SHROOM3: variants seen among roughly 807,000 people sequenced by gnomAD.
SHROOM3 encodes the protein protein Shroom3.
SHROOM3 carries 47 observed loss-of-function variants against 138.6 expected under a neutral mutation model. That is an observed-to-expected ratio of 0.34 (90% CI 0.27 to 0.43). The LOEUF (loss-of-function observed/expected upper bound fraction) is 0.43. Among genes scored for constraint, SHROOM3 ranks in the 20% least tolerant of loss-of-function variants. The pLI is 1.00. For synonymous variants in SHROOM3, 1,062 were observed against 1,063.3 expected (o/e 1.00, Z 0.02); for missense variants, 2,491 against 2,596.5 (o/e 0.96, Z 0.88).
In SHROOM3 at chr4:76,658,934, A is replaced by T. The variant is rs200516564; in HGVS notation, c.324-51222A>T. Among the ~76,000 whole-genome samples, 16 of 152,106 alleles carry T rather than the reference A, an allele frequency of 1.1e-4. No homozygotes were observed. In the East Asian group the frequency reaches 2.7e-3, roughly 26 times the overall value. ...TCATAGTAAATCTTTTTTTGGAAAC[A>T]ATTAGGGAATGTGTAACTAATTTGT... is the stretch of plus-strand genomic sequence containing the variant. On this transcript the variant is annotated intron_variant, in intron 2 of 10. Transcript: ENST00000296043.
chr4:76,756,672 G>T lies in SHROOM3; in HGVS notation c.4933G>T (p.Val1645Phe). 1 of 1,614,008 alleles carries T rather than the reference G, an allele frequency of 6.2e-7. No homozygotes were observed. The highest frequency in any genetic ancestry group is 1.1e-5 in the South Asian group (1 of 91,056). ...IQTQSLSHDP[V>F]SGTQGLEKKV... ...GACTCAAAGCCTCAGCCATGATCCAGTCAGTGGAACTCAGGGTTTAGAAAA... is the reference window on the plus strand; with the variant it reads ...GACTCAAAGCCTCAGCCATGATCCATTCAGTGGAACTCAGGGTTTAGAAAA... The change falls in exon 8 of 11, where the codon GTC (valine) becomes TTC (phenylalanine). Residue 1645 changes from valine (V) to phenylalanine (F), a missense_variant. Around this residue, in one of 4 missense-constraint regions of SHROOM3, gnomAD observed 470 missense variants for 595.0 expected, o/e 0.79. Transcript: ENST00000296043.
chr4:76,450,219 G>A (rs899523868), intron 1 of SHROOM3, among the ~76,000 whole-genome samples: 3 of 152,118 alleles, frequency 2.0e-5, no homozygotes, highest in African/African-American at 7.2e-5. Flanking sequence ...TGTCAAAATT[G>A]CTTGGTTTGT....
chr4:76,439,474 C>T (rs1730625386), intron 1 of SHROOM3, among the ~76,000 whole-genome samples: 1 of 152,132 alleles, frequency 6.6e-6, no homozygotes, highest in African/African-American at 2.4e-5. Flanking sequence ...TACCACCAGG[C>T]ATTTGAGCAT....
intron 1 of SHROOM3, among the ~76,000 whole-genome samples, chr4:76,492,678 G>A (rs1387780574): frequency 1.3e-5 from 2 of 152,152 alleles, no homozygotes; most frequent in South Asian, 2.1e-4. Context: ...ACTTTTCTGA[G>A]CTCCCATTGT....
At chr4:76,714,882 AT>A (rs1349869510) in intron 3 of SHROOM3, among the ~76,000 whole-genome samples, 2 of 151,920 alleles carry the variant, frequency 1.3e-5, no homozygotes, top group East Asian at 3.9e-4. Flanking sequence ...ACTGTTATTT[AT>A]TTTGTTGTTC....
intron 2 of SHROOM3, among the ~76,000 whole-genome samples, chr4:76,601,618 C>T (rs1221627752): frequency 4.6e-5 from 7 of 152,194 alleles, no homozygotes; most frequent in South Asian, 2.1e-4. Flanking sequence ...GATTCTCCTG[C>T]GTCAGCCTCC....
Position 76,741,778 on chromosome 4 carries a change from G to T in SHROOM3, c.3605G>T (p.Gly1202Val). The T allele has an allele frequency of 6.3e-7, 1 of 1,575,302 alleles. No individual in the cohort carries two copies. Among genetic ancestry groups the T allele is most frequent in the Non-Finnish European group, 8.6e-7 (1 of 1,160,920 alleles). The change falls in exon 5 of 11, where the codon GGG becomes GTG. Residue 1202 changes from glycine to valine, a missense_variant. Transcript: ENST00000296043. The surrounding 1 kb of genome is among the most constrained non-coding windows in gnomAD (Gnocchi z 6.2). ...GGTGGAACAAGGGGCACCCAGAGAGGGGATGAGACCCCCAGGGAGCCATCC... is the reference window on the plus strand; with the variant it reads ...GGTGGAACAAGGGGCACCCAGAGAGTGGATGAGACCCCCAGGGAGCCATCC... The part of the protein sequence containing the change: ...ANGGTRGTQR[G>V]DETPREPSSW...
intron 1 of SHROOM3, among the ~76,000 whole-genome samples, chr4:76,479,338 C>A (rs1472864014): frequency 2.0e-5 from 3 of 151,602 alleles, no homozygotes; most frequent in African/African-American, 4.8e-5. Context: ...AGCATATACA[C>A]AAGTATCAAT....
intron 1 of SHROOM3, among the ~76,000 whole-genome samples, chr4:76,448,358 C>T (rs1354811190): frequency 6.6e-6 from 1 of 152,190 alleles, no homozygotes; most frequent in East Asian, 1.9e-4. Flanking sequence ...CTTCTTATAC[C>T]ACTGCAACTG....
chr4:76,504,541 T>G, intron 1 of SHROOM3, among the ~76,000 whole-genome samples: 1 of 152,222 alleles, frequency 6.6e-6, no homozygotes, highest in East Asian at 1.9e-4. Context: ...GTACGTATTA[T>G]GGAAACAATA....
intron 2 of SHROOM3, among the ~76,000 whole-genome samples, chr4:76,623,855 A>C (rs547636788): frequency 1.3e-5 from 2 of 152,282 alleles, no homozygotes; most frequent in Admixed American, 6.5e-5. Flanking sequence ...GGGCGGGGGA[A>C]GGGGAGAAAG....
Position 76,739,545 on chromosome 4 carries a change from C to T in SHROOM3, c.1372C>T (p.Pro458Ser), listed in dbSNP as rs751339105. 2.5e-6 allele frequency: 4 copies of T among 1,614,208 alleles called. No individual in the cohort carries two copies. The highest frequency in any genetic ancestry group is 1.7e-5 in the Admixed American group (1 of 60,032). Residue 458 changes from proline to serine, a missense_variant, in exon 5 of 11, where the codon CCT becomes TCT. By Grantham distance (74) the Pro-to-Ser change is moderately conservative. Around this residue, in one of 4 missense-constraint regions of SHROOM3, gnomAD observed 1,733 missense variants for 1,661.6 expected, o/e 1.04. Transcript: ENST00000296043. Reference sequence around the variant, plus strand: ...GCATAACTATACCCAGAAGGCCCAACCTGGCCAACCTCTGCTGCCGACCAG... The same window carrying T: ...GCATAACTATACCCAGAAGGCCCAATCTGGCCAACCTCTGCTGCCGACCAG... The part of the protein sequence containing the change: ...PKHNYTQKAQ[P>S]GQPLLPTSIY...
At position 76,739,930 on chromosome 4, in the gene SHROOM3, A is replaced by T. The variant is rs560192700; in HGVS notation, c.1757A>T (p.Asn586Ile). 43 of 1,614,220 alleles carry T rather than the reference A, an allele frequency of 2.7e-5. 1 individual carries two copies. The South Asian group carries it at 4.7e-4, about 18-fold the overall frequency. ...CCCCAAGGCAACAGCCCACATTCCA[A>T]TGAGAGAAAGAGCACCCACAGTAAC... Reference protein sequence around the residue: ...TPPQGNSPHSNERKSTHSNKP... With the variant: ...TPPQGNSPHSIERKSTHSNKP... The change falls in exon 5 of 11, where the codon AAT becomes ATT. Residue 586 changes from asparagine to isoleucine, a missense_variant. Physicochemically the swap from Asn to Ile is moderately radical, Grantham distance 149 (BLOSUM62 -3). Around this residue, in one of 4 missense-constraint regions of SHROOM3, gnomAD observed 1,733 missense variants for 1,661.6 expected, o/e 1.04. Coordinates refer to ENST00000296043, the MANE Select transcript of SHROOM3 (RefSeq NM_020859.4).
intron 1 of SHROOM3, among the ~76,000 whole-genome samples, chr4:76,456,111 A>T (rs755614056): frequency 1.3e-5 from 2 of 152,054 alleles, no homozygotes; most frequent in Non-Finnish European, 2.9e-5. Flanking sequence ...GGTTCAAGCG[A>T]TTCTCCTGCC....
intron 2 of SHROOM3, among the ~76,000 whole-genome samples, chr4:76,608,244 G>A (rs532429616): frequency 6.6e-5 from 10 of 152,314 alleles, no homozygotes; most frequent in African/African-American, 2.4e-4. Flanking sequence ...TAGCTCTCGA[G>A]GGAGCGCATT....
At chr4:76,752,027 A>G (rs1313358642) in intron 6 of SHROOM3, among the ~76,000 whole-genome samples, 1 of 152,230 alleles carries the variant, frequency 6.6e-6, no homozygotes, top group African/African-American at 2.4e-5. Flanking sequence ...TAGCAGCTGT[A>G]TTTACTATTC....
chr4:76,446,420 C>T (rs759561274), intron 1 of SHROOM3, among the ~76,000 whole-genome samples: 15 of 73,680 alleles, frequency 2.0e-4, no homozygotes, highest in Middle Eastern at 5.6e-3. Context: ...GAAATGGCGG[C>T]GGTGGGGGAT....
intron 2 of SHROOM3, among the ~76,000 whole-genome samples, chr4:76,567,030 A>G (rs2110035933): frequency 6.6e-6 from 1 of 152,330 alleles, no homozygotes; most frequent in South Asian, 2.1e-4. Context: ...ATTGCTTAGT[A>G]CAGTTTGTCA....
At chr4:76,456,385 A>G (rs999101092) in intron 1 of SHROOM3, among the ~76,000 whole-genome samples, 3 of 152,236 alleles carry the variant, frequency 2.0e-5, no homozygotes, top group Admixed American at 2.0e-4. Flanking sequence ...GCATGGATTC[A>G]ACATAGTACT....
Sources: gnomAD v4.1 joint callset for allele counts (sites outside exome capture counted in the v4.1 genomes callset) on GRCh38, gnomAD v4.1.1 for gene constraint, gnomAD v4.1.1 regional missense constraint, Gnocchi (gnomAD v3.1) non-coding constraint, MANE v1.5 for transcripts, NCBI Gene and HGNC (gene_info 2026-07-23, HGNC 2026-07-21) for gene names.